The following ZNF692 variants were observed in gnomAD, a reference collection of about 807,000 sequenced individuals.
The protein encoded by ZNF692 is zinc finger protein 692.
A neutral mutation model predicts 49.0 loss-of-function variants in ZNF692; 41 were observed. That is an observed-to-expected ratio of 0.84 (90% CI 0.65 to 1.08). The LOEUF is 1.08. Ranked by LOEUF, ZNF692 falls within the 50% of genes least tolerant of loss-of-function variation. ZNF692 has a pLI of 0.00. For synonymous variants in ZNF692, 288 were observed against 251.5 expected (o/e 1.15, Z -1.37); for missense variants, 662 against 662.2 (o/e 1.00, Z 0.00).
rs1353656336 is a variant in ZNF692, at chr1:248,858,627, A to T, written c.-13+291T>A. ...GAAGGGGCGAGAGACTTTCACGGGA[A>T]ATTTCAACTGGGCTGGGGGCGGTCC... On this transcript the variant is annotated intron_variant, in intron 1 of 11. Coordinates refer to ENST00000306601, the MANE Select transcript of ZNF692 (RefSeq NM_017865.4). The surrounding 1 kb of genome is among the most constrained non-coding windows in gnomAD (Gnocchi z 4.3). The T allele has an allele frequency of 7.0e-7, 1 of 1,428,702 alleles. No individual in the cohort carries two copies. The highest frequency in any genetic ancestry group is 2.5e-5 in the East Asian group (1 of 40,300). The allele number at this position is 1,428,702 out of a possible 1,614,324, so 88.5% of individuals were successfully genotyped here.
At position 248,852,144 on chromosome 1, in the gene ZNF692, G is replaced by A. The variant is rs926176416; in HGVS notation, c.1154-1363C>T. Among the ~76,000 whole-genome samples the A allele has an allele frequency of 2.1e-4, 32 of 152,154 alleles. 1 individual carries two copies. Among genetic ancestry groups the A allele is most frequent in the African/African-American group, 6.5e-4 (27 of 41,424 alleles). On this transcript the variant is annotated intron_variant, in intron 10 of 11. Transcript: ENST00000306601. ...ATCTAAAACCACAAGTCTTAAGGCC[G>A]CCTTCTTGCCCTACTGTGTCTGCAT... is the stretch of plus-strand genomic sequence containing the variant.
intron 3 of ZNF692, 163 bp from the exon 4 acceptor site, chr1:248,857,660 T>C: frequency 6.8e-7 from 1 of 1,466,502 alleles, no homozygotes; most frequent in East Asian, 2.5e-5. Flanking sequence ...CCTGAGACAT[T>C]GCTCCCTTCC....
At chr1:248,854,898 C>T (rs1660050902) in intron 9 of ZNF692, among the ~76,000 whole-genome samples, 1 of 152,212 alleles carries the variant, frequency 6.6e-6, no homozygotes, top group Non-Finnish European at 1.5e-5. Context: ...TCTGTCTACC[C>T]TCACCTCACC....
chr1:248,851,490 T>C (rs1381861261), intron 10 of ZNF692, among the ~76,000 whole-genome samples: 1 of 152,116 alleles, frequency 6.6e-6, no homozygotes, highest in Non-Finnish European at 1.5e-5. Flanking sequence ...TTGCTTCTCA[T>C]GGTGCCCTTT....
At chr1:248,851,587 T>C (rs1423725561) in intron 10 of ZNF692, among the ~76,000 whole-genome samples, 1 of 148,474 alleles carries the variant, frequency 6.7e-6, no homozygotes, top group Non-Finnish European at 1.5e-5. Flanking sequence ...TTTGGCCCCA[T>C]CACTCCCCCT....
Position 248,858,485 on chromosome 1 carries a change from A to AT in ZNF692, c.-12-165dup. On this transcript the variant is annotated intron_variant, in intron 1 of 11. Transcript: ENST00000306601. The surrounding 1 kb of genome is among the most constrained non-coding windows in gnomAD (Gnocchi z 4.3). ...TGGAGCCAAACCCCGTCCTTCTATG[A>AT]TACAGGGTGTTGAAGCTCAGCGCTA... 5.2e-6 allele frequency: 8 copies of AT among 1,551,708 alleles called. No individual in the cohort carries two copies. Among genetic ancestry groups the AT allele is most frequent in the Non-Finnish European group, 7.0e-6 (8 of 1,146,990 alleles).
At chr1:248,852,885 G>A (rs1659761316) in intron 10 of ZNF692, among the ~76,000 whole-genome samples, 1 of 152,036 alleles carries the variant, frequency 6.6e-6, no homozygotes, top group Non-Finnish European at 1.5e-5. Flanking sequence ...TGGCCTCATG[G>A]CTCTAAACAC....
Position 248,855,547 on chromosome 1 carries a change from C to T in ZNF692, c.959+11G>A. ...CGGCCCTCCCCAGAACCCCATCTCCCTAAGTCCTACCTAATTCTCTTGGGG... is the reference window on the plus strand; with the variant it reads ...CGGCCCTCCCCAGAACCCCATCTCCTTAAGTCCTACCTAATTCTCTTGGGG... On this transcript the variant is annotated intron_variant, in intron 8 of 11. Coordinates refer to ENST00000306601, the MANE Select transcript of ZNF692 (RefSeq NM_017865.4). The T allele has an allele frequency of 1.2e-6, 2 of 1,614,192 alleles. No homozygotes were observed. Among genetic ancestry groups the T allele is most frequent in the Non-Finnish European group, 1.7e-6 (2 of 1,180,026 alleles).
chr1:248,858,646 G>A lies in ZNF692; in HGVS notation c.-13+272C>T, dbSNP rs1660538848. 8.1e-7 allele frequency: 1 copy of A among 1,241,028 alleles called. No homozygotes were observed. The highest frequency in any genetic ancestry group is 2.0e-5 in the Admixed American group (1 of 50,606). The allele number at this position is 1,241,028 out of a possible 1,614,324, so 76.9% of individuals were successfully genotyped here. A position where few individuals can be genotyped will look rare whatever the true frequency, so the allele number is the denominator to read the frequency against. Reference sequence around the variant, plus strand: ...ACGGGAAATTTCAACTGGGCTGGGGGCGGTCCACACATTTCATCTTGAATA... The same window carrying A: ...ACGGGAAATTTCAACTGGGCTGGGGACGGTCCACACATTTCATCTTGAATA... On this transcript the variant is annotated intron_variant, in intron 1 of 11. Coordinates refer to ENST00000306601, the MANE Select transcript of ZNF692 (RefSeq NM_017865.4). This position sits in a 1 kb window ranked among gnomAD's most constrained non-coding sequence, Gnocchi z 4.3.
chr1:248,858,210 G>C lies in ZNF692; in HGVS notation c.100C>G (p.His34Asp). ...TTGAGGAGGCACCACTGCTCCATGT[G>C]GCCGCCCAGGCGGATGCGGCACTTG... is the stretch of plus-strand genomic sequence containing the variant. ...RSKCRIRLGGHMEQWCLLKER... is the reference protein window; with the variant it reads ...RSKCRIRLGGDMEQWCLLKER... Residue 34 changes from histidine (H) to aspartate (D), a missense_variant, in exon 2 of 12, where the codon CAC becomes GAC. Coordinates refer to ENST00000306601, the MANE Select transcript of ZNF692 (RefSeq NM_017865.4). The surrounding 1 kb of genome is among the most constrained non-coding windows in gnomAD (Gnocchi z 4.3). 6.3e-7 allele frequency: 1 copy of C among 1,592,352 alleles called. No homozygotes were observed. The highest frequency in any genetic ancestry group is 8.5e-7 in the Non-Finnish European group (1 of 1,170,724).
rs1299311596 is a variant in ZNF692, at chr1:248,856,564, T to C, written c.476-2A>G. The C allele has an allele frequency of 1.2e-6, 2 of 1,614,086 alleles. No homozygotes were observed. The highest frequency in any genetic ancestry group is 1.7e-6 in the Non-Finnish European group (2 of 1,180,030). On this transcript the variant is annotated splice_acceptor_variant, in intron 4 of 11. Transcript: ENST00000306601. LOFTEE classifies it high-confidence loss of function. Reference sequence around the variant, plus strand: ...TCTCATCATGCTCAGATTCCAAATCTGTGGGACAGGCAAAGTCAAAAGAGA... The same window carrying C: ...TCTCATCATGCTCAGATTCCAAATCCGTGGGACAGGCAAAGTCAAAAGAGA...
chr1:248,856,233 C>G, intron 6 of ZNF692, 55 bp downstream of exon 6: 1 of 1,533,908 alleles, frequency 6.5e-7, no homozygotes, highest in Non-Finnish European at 8.7e-7. Flanking sequence ...CATGAACTGC[C>G]AGGCCAGCTG....
At position 248,855,633 on chromosome 1, in the gene ZNF692, G is replaced by C; in HGVS notation, c.884C>G (p.Thr295Ser). 2 of 1,614,238 alleles carry C rather than the reference G, an allele frequency of 1.2e-6. No homozygotes were observed. Among genetic ancestry groups the C allele is most frequent in the Admixed American group, 3.3e-5 (2 of 60,028 alleles). The change falls in exon 8 of 12, where the codon ACT becomes AGT. Residue 295 changes from threonine to serine, a missense_variant and splice_region_variant. By Grantham distance (58) the Thr-to-Ser change is moderately conservative. Transcript: ENST00000306601. ...TGGAGCAGACTGGGCCTGACTCCCA[G>C]TGCTACGGGCAGCAAAGAGGGAGCA... is the stretch of plus-strand genomic sequence containing the variant. ...AAQQTEALAS[T>S]GSQAQSAPTP...
chr1:248,850,596 C>G, intron 11 of ZNF692, 80 bp from the exon 12 acceptor site: 1 of 1,597,636 alleles, frequency 6.3e-7, no homozygotes, highest in Non-Finnish European at 8.6e-7. Flanking sequence ...CTGCTCCCCA[C>G]TGCCTAGGTG....
rs1456050649 is a variant in ZNF692 at position 248,850,400 on chromosome 1, A to G, written c.1370T>C (p.Phe457Ser). 6.2e-7 allele frequency: 1 copy of G among 1,614,176 alleles called. No homozygotes were observed. The highest frequency in any genetic ancestry group is 8.5e-7 in the Non-Finnish European group (1 of 1,180,016). The stretch of plus-strand genomic sequence containing the variant: ...GGCTGCAACACTGTCTGGCTTCTCA[A>G]AGCGCTTGCCGCAGAATTCACAGGG... ...RFPCEFCGKR[F>S]EKPDSVAAHR... Residue 457 changes from phenylalanine (F) to serine (S), a missense_variant, in exon 12 of 12, where the codon TTT becomes TCT. Physicochemically the swap from Phe to Ser is radical, Grantham distance 155 (BLOSUM62 -2). Transcript: ENST00000306601.
In ZNF692 at chr1:248,855,805, A is replaced by G. The variant is rs138288849; in HGVS notation, c.801T>C (p.Ala267=). Residue 267 remains alanine, a synonymous_variant, in exon 7 of 12, where the codon GCT becomes GCC. Transcript: ENST00000306601. ...ALSASSLSSR[A]PPPAEVRVQP... Reference sequence around the variant, plus strand: ...GCACCCTGACTTCTGCAGGTGGAGGAGCTCTGGAACTCAATGAGGATGCTG... The same window carrying G: ...GCACCCTGACTTCTGCAGGTGGAGGGGCTCTGGAACTCAATGAGGATGCTG... 87 of 1,614,094 alleles carry G rather than the reference A, an allele frequency of 5.4e-5. No individual in the cohort carries two copies. The African/African-American group carries it at 9.2e-4, about 17-fold the overall frequency.
chr1:248,852,704 T>G (rs1659737800), intron 10 of ZNF692, among the ~76,000 whole-genome samples: 1 of 152,196 alleles, frequency 6.6e-6, no homozygotes, highest in African/African-American at 2.4e-5. Context: ...TCTCCTATTC[T>G]CAGCTCACAT....
At position 248,858,527 on chromosome 1, in the gene ZNF692, G is replaced by C. The variant is rs1347783568; in HGVS notation, c.-12-206C>G. 1 of 1,551,746 alleles carries C rather than the reference G, an allele frequency of 6.4e-7. No homozygotes were observed. ...TCAGCGCTACCATGTGAGTGTCGTC[G>C]GGTGGGAGGCAGGCAGACAGAAGCA... On this transcript the variant is annotated intron_variant, in intron 1 of 11. Coordinates refer to ENST00000306601, the MANE Select transcript of ZNF692 (RefSeq NM_017865.4). This position sits in a 1 kb window ranked among gnomAD's most constrained non-coding sequence, Gnocchi z 4.3.
Position 248,859,011 on chromosome 1 carries a change from C to T in ZNF692, c.-106G>A, listed in dbSNP as rs1660595974. ...CCCGGAGCTGCTGGAAGACAGGGGC[C>T]CACCTCGCGCGCGCAGCGTTTCTCT... On this transcript the variant is annotated 5_prime_UTR_variant, in exon 1 of 12. Coordinates refer to ENST00000306601, the MANE Select transcript of ZNF692 (RefSeq NM_017865.4). The T allele has an allele frequency of 6.3e-6, 1 of 158,796 alleles. No homozygotes were observed. The highest frequency in any genetic ancestry group is 1.7e-4 in the South Asian group (1 of 6,020). 9.8% of individuals were successfully genotyped at this position (158,796 alleles called of 1,614,324 possible). A position where few individuals can be genotyped will look rare whatever the true frequency, so the allele number is the denominator to read the frequency against.
Sources: gnomAD v4.1 joint callset for allele counts (sites outside exome capture counted in the v4.1 genomes callset) on GRCh38, gnomAD v4.1.1 for gene constraint, Gnocchi (gnomAD v3.1) non-coding constraint, MANE v1.5 for transcripts, NCBI Gene and HGNC (gene_info 2026-07-23, HGNC 2026-07-21) for gene names.